KLHL5: variants seen among roughly 807,000 people sequenced by gnomAD.
The protein encoded by KLHL5 is kelch like family member 5.
KLHL5 carries 48 observed loss-of-function variants against 77.7 expected under a neutral mutation model. That is an observed-to-expected ratio of 0.62 (90% CI 0.49 to 0.79). KLHL5 has a LOEUF of 0.79. Ranked by LOEUF, KLHL5 falls within the 30% of genes least tolerant of loss-of-function variation. The pLI, the probability that KLHL5 is intolerant of heterozygous loss-of-function variation, is 0.00. For synonymous variants in KLHL5, 260 were observed against 297.0 expected, an observed-to-expected ratio of 0.88 and a Z score of 1.28; for missense variants, 723 against 859.7, an observed-to-expected ratio of 0.84 and a Z score of 1.99.
chr4:39,112,490 G>A (rs2109572104), intron 8 of KLHL5, among the ~76,000 whole-genome samples: 1 of 152,280 alleles, frequency 6.6e-6, no homozygotes, highest in African/African-American at 2.4e-5. Context: ...CCCTGTGCAA[G>A]TCTCTTACTC....
At chr4:39,101,601 A>G (rs1006004893) in intron 6 of KLHL5, among the ~76,000 whole-genome samples, 1 of 152,088 alleles carries the variant, frequency 6.6e-6, no homozygotes, top group Non-Finnish European at 1.5e-5. Flanking sequence ...TAATCCCAGC[A>G]CTTTGGGAGG....
the KLHL5 span, among the ~76,000 whole-genome samples, chr4:39,142,233 A>G: frequency 3.3e-5 from 5 of 152,142 alleles, no homozygotes; most frequent in Non-Finnish European, 5.9e-5. Context: ...AAATTGATTT[A>G]TTTATACAAA....
rs1723451181 is a variant in KLHL5 at position 39,125,035 on chromosome 4, T to G, written c.*3969T>G. 6.6e-6 allele frequency among the ~76,000 whole-genome samples: 1 copy of G among 152,066 alleles called. No homozygotes were observed. Among genetic ancestry groups the G allele is most frequent in the South Asian group, 2.1e-4 (1 of 4,824 alleles). On this transcript the variant is annotated 3_prime_UTR_variant, in exon 11 of 11. Transcript: ENST00000504108. ...TAAATAGACATTTCTCTAATGAAGA[T>G]ATACAAATGGCCGACAAGCACATGG...
the KLHL5 span, among the ~76,000 whole-genome samples, chr4:39,134,278 G>C: frequency 3.9e-5 from 6 of 152,320 alleles, no homozygotes; most frequent in African/African-American, 1.4e-4. Context: ...AATTGCTTTA[G>C]ACTTGTTCAT....
In KLHL5 at chr4:39,052,796, A is replaced by G. The variant is rs557830894; in HGVS notation, c.-95+7700A>G. Among the ~76,000 whole-genome samples the G allele has an allele frequency of 6.6e-5, 10 of 152,322 alleles. No individual in the cohort carries two copies. In the South Asian group the frequency reaches 2.1e-3, roughly 32 times the overall value. On this transcript the variant is annotated intron_variant, in intron 1 of 11. Transcript: ENST00000261425. ...TTAGAATTGATGGCCTGGTTTCTGCATGGTTCTTTGGAGAGGCCTGAATCA... is the reference window on the plus strand; with the variant it reads ...TTAGAATTGATGGCCTGGTTTCTGCGTGGTTCTTTGGAGAGGCCTGAATCA...
rs140101755 is a variant in KLHL5, at chr4:39,069,854, C to T, written c.384-6111C>T. Among the ~76,000 whole-genome samples, 905 of 152,060 alleles carry T rather than the reference C, an allele frequency of 6.0e-3. 3 individuals are homozygous for T. Among genetic ancestry groups the T allele is most frequent in the Non-Finnish European group, 7.5e-3 (511 of 67,982 alleles). On this transcript the variant is annotated intron_variant, in intron 1 of 10. Transcript: ENST00000504108. ...GACTTAAACAAAAACTAGAAATTTT[C>T]GGTTCACATAAATAAAAAGTCCAAG...
chr4:39,067,677 T>C (rs1461736087), intron 1 of KLHL5, among the ~76,000 whole-genome samples: 2 of 145,532 alleles, frequency 1.4e-5, no homozygotes, highest in East Asian at 2.0e-4. Context: ...CATAACTCTT[T>C]TTTTTTTTTT....
rs79706325 is a variant in KLHL5 at position 39,114,980 on chromosome 4, A to G, written c.1902-179A>G. Reference sequence around the variant, plus strand: ...TATACATCTGTTAAGTGGATCTATTAATATAATACTGTAAGTTAAAGTTTT... The same window carrying G: ...TATACATCTGTTAAGTGGATCTATTGATATAATACTGTAAGTTAAAGTTTT... On this transcript the variant is annotated intron_variant, in intron 9 of 10. Transcript: ENST00000504108. Among the ~76,000 whole-genome samples, 529 of 152,348 alleles carry G rather than the reference A, an allele frequency of 3.5e-3. 3 individuals are homozygous for G. Among genetic ancestry groups the G allele is most frequent in the African/African-American group, 0.012 (504 of 41,582 alleles).
Position 39,098,027 on chromosome 4 carries a change from G to A in KLHL5, c.1300+1149G>A, listed in dbSNP as rs906218241. On this transcript the variant is annotated intron_variant, in intron 6 of 10. Coordinates refer to ENST00000504108, the MANE Select transcript of KLHL5 (RefSeq NM_015990.5). Reference sequence around the variant, plus strand: ...TGCATGCCTGTAGTCCCAGCTACACGTGGGAGGCTGAGGCAGGAGGATCAC... The same window carrying A: ...TGCATGCCTGTAGTCCCAGCTACACATGGGAGGCTGAGGCAGGAGGATCAC... Among the ~76,000 whole-genome samples, 12 of 151,250 alleles carry A rather than the reference G, an allele frequency of 7.9e-5. No homozygotes were observed. The South Asian group carries it at 1.5e-3, about 19-fold the overall frequency.
intron 2 of KLHL5, 35 bp downstream of exon 2, chr4:39,076,182 A>G: frequency 6.4e-7 from 1 of 1,559,988 alleles, no homozygotes; most frequent in Non-Finnish European, 8.7e-7. Flanking sequence ...TGTGTGAAAT[A>G]TTTCCTCGGT....
intron 10 of KLHL5, among the ~76,000 whole-genome samples, chr4:39,118,936 T>C (rs893958577): frequency 6.6e-6 from 1 of 152,148 alleles, no homozygotes; most frequent in African/African-American, 2.4e-5. Flanking sequence ...GATCACTTGA[T>C]GGAGGGAGGA....
At chr4:39,078,679 G>A (rs144033612) in intron 2 of KLHL5, among the ~76,000 whole-genome samples, 1 of 152,178 alleles carries the variant, frequency 6.6e-6, no homozygotes, top group Non-Finnish European at 1.5e-5. Flanking sequence ...TGGGCGTGGA[G>A]ACAGAGTGAG....
intron 6 of KLHL5, among the ~76,000 whole-genome samples, chr4:39,099,101 G>T (rs2109487903): frequency 6.6e-6 from 1 of 152,096 alleles, no homozygotes; most frequent in East Asian, 1.9e-4. Context: ...TGGCCAACAT[G>T]GCGAAACCCC....
chr4:39,121,207 T>A lies in KLHL5; in HGVS notation c.*141T>A. On this transcript the variant is annotated 3_prime_UTR_variant, in exon 11 of 11. Coordinates refer to ENST00000504108, the MANE Select transcript of KLHL5 (RefSeq NM_015990.5). ...GTGCCTGATGTCAAAATGAAGATAG[T>A]AAAACAAGGGAGGAAGCAGTGGATG... The A allele has an allele frequency of 1.5e-6, 1 of 681,922 alleles. No homozygotes were observed. The highest frequency in any genetic ancestry group is 2.6e-6 in the Non-Finnish European group (1 of 389,940). The allele number at this position is 681,922 out of a possible 1,614,324, so 42.2% of individuals were successfully genotyped here.
In KLHL5 at chr4:39,121,025, C is replaced by G; in HGVS notation, c.2089C>G (p.Leu697Val). 6.2e-7 allele frequency: 1 copy of G among 1,613,412 alleles called. No individual in the cohort carries two copies. Among genetic ancestry groups the G allele is most frequent in the Non-Finnish European group, 8.5e-7 (1 of 1,179,452 alleles). ...TCCTTTTTAGGTTGCTCCACTGTGC[C>G]TAGGAAGAGCTGGAGCTTGTGTTGT... ...NEWTQVAPLC[L>V]GRAGACVVTV... is the part of the protein sequence containing the mutation. The change falls in exon 11 of 11, where the codon CTA becomes GTA. Residue 697 changes from leucine to valine, a missense_variant. Leu to Val is a conservative substitution (Grantham distance 32). This residue lies in a region of KLHL5 where 214 missense variants were observed against 237.4 expected (regional missense o/e 0.90). Coordinates refer to ENST00000504108, the MANE Select transcript of KLHL5 (RefSeq NM_015990.5).
intron 10 of KLHL5, among the ~76,000 whole-genome samples, chr4:39,118,482 G>A (rs1186566335): frequency 2.6e-5 from 4 of 152,134 alleles, no homozygotes; most frequent in Non-Finnish European, 4.4e-5. Flanking sequence ...GGGGCAGGGC[G>A]CAGTGGCTTA....
downstream of KLHL5, among the ~76,000 whole-genome samples, chr4:39,129,186 CTT>C (rs34334896): frequency 3.6e-5 from 5 of 138,230 alleles, no homozygotes; most frequent in African/African-American, 1.3e-4. This position sits in a 1 kb window ranked among gnomAD's most constrained non-coding sequence, Gnocchi z 4.2. Flanking sequence ...ACAATTACAA[CTT>C]TTTTTTTTTT....
intron 1 of KLHL5, among the ~76,000 whole-genome samples, chr4:39,056,799 T>C (rs1041092440): frequency 6.6e-6 from 1 of 152,240 alleles, no homozygotes; most frequent in Non-Finnish European, 1.5e-5. Context: ...TTAATTTTAG[T>C]GTTCTTCTTC....
In KLHL5 at chr4:39,121,150, T is replaced by TAA; in HGVS notation, c.*86_*87dup. ...ATTCTATCAATGGATACATTTTTAGTAAATGTGCATTGTCACAATCCTGGG... is the reference window on the plus strand; with the variant it reads ...ATTCTATCAATGGATACATTTTTAGTAAAAATGTGCATTGTCACAATCCTGGG... On this transcript the variant is annotated 3_prime_UTR_variant, in exon 11 of 11. Transcript: ENST00000504108. The TAA allele has an allele frequency of 1.9e-6, 2 of 1,040,188 alleles. No individual in the cohort carries two copies. The highest frequency in any genetic ancestry group is 1.8e-5 in the Admixed American group (1 of 55,160). The allele number at this position is 1,040,188 out of a possible 1,614,324, so 64.4% of individuals were successfully genotyped here.
Sources: gnomAD v4.1 joint callset for allele counts (sites outside exome capture counted in the v4.1 genomes callset) on GRCh38, gnomAD v4.1.1 for gene constraint, gnomAD v4.1.1 regional missense constraint, Gnocchi (gnomAD v3.1) non-coding constraint, MANE v1.5 for transcripts, NCBI Gene and HGNC (gene_info 2026-07-23, HGNC 2026-07-21) for gene names.